Variants in PTPRG observed in about 807,000 individuals in gnomAD.
The protein encoded by PTPRG is protein tyrosine phosphatase receptor type G.
In PTPRG, 102 loss-of-function variants were observed where a neutral mutation model predicts 165.3. The observed-to-expected ratio is 0.62, with a 90% CI of 0.53 to 0.73. The LOEUF (loss-of-function observed/expected upper bound fraction) is 0.73. Among genes scored for constraint, PTPRG ranks in the 30% least tolerant of loss-of-function variants. PTPRG has a pLI of 0.00. For missense variants in PTPRG, 1,866 were observed against 1,861.4 expected (o/e 1.00, Z -0.05); for synonymous variants, 675 against 669.5 (o/e 1.01, Z -0.13).
chr3:61,742,573 A>G (rs1209265872), intron 1 of PTPRG: 3 of 1,592,832 alleles, frequency 1.9e-6, no homozygotes, highest in Admixed American at 1.7e-5. Context: ...GTTATACACA[A>G]GCTCATCGGC....
At chr3:61,746,982 A>C (rs1288644568) in intron 1 of PTPRG, among the ~76,000 whole-genome samples, 1 of 152,130 alleles carries the variant, frequency 6.6e-6, no homozygotes, top group Non-Finnish European at 1.5e-5. Flanking sequence ...AAATCAGCTG[A>C]GCATAGTGGC....
chr3:61,694,320 A>G (rs2030426166), intron 1 of PTPRG, among the ~76,000 whole-genome samples: 1 of 152,204 alleles, frequency 6.6e-6, no homozygotes, highest in African/African-American at 2.4e-5. Context: ...AGATTTTTAA[A>G]AAGTCCCTTA....
At chr3:61,771,400 C>A (rs1253868287) in intron 2 of PTPRG, 1 of 150,042 alleles carries the variant, frequency 6.7e-6, no homozygotes, top group Non-Finnish European at 1.5e-5. Flanking sequence ...AAAAAACTTT[C>A]TATGTAAGTC....
intron 6 of PTPRG, among the ~76,000 whole-genome samples, chr3:62,137,667 G>A (rs535033033): frequency 6.6e-6 from 1 of 151,884 alleles, no homozygotes; most frequent in Non-Finnish European, 1.5e-5. Flanking sequence ...ATCTTTTTTT[G>A]GTGCAAGTTT....
At chr3:62,037,193 T>C (rs1699973797) in intron 4 of PTPRG, among the ~76,000 whole-genome samples, 2 of 152,090 alleles carry the variant, frequency 1.3e-5, no homozygotes, top group South Asian at 4.1e-4. Flanking sequence ...GCTAGTTCAG[T>C]GATAGGGTTA....
chr3:61,748,462 A>G (rs1179578945), intron 1 of PTPRG, among the ~76,000 whole-genome samples: 1 of 152,238 alleles, frequency 6.6e-6, no homozygotes, highest in Non-Finnish European at 1.5e-5. Flanking sequence ...TTATACATGC[A>G]GTTGGAACCG....
At chr3:62,002,539 A>T (rs1355252179) in intron 3 of PTPRG, among the ~76,000 whole-genome samples, 1 of 152,182 alleles carries the variant, frequency 6.6e-6, no homozygotes. Flanking sequence ...ATTTTTTGTC[A>T]GTGTAAATCC....
At chr3:62,257,828 G>A (rs372358721) in intron 16 of PTPRG, among the ~76,000 whole-genome samples, 4 of 152,186 alleles carry the variant, frequency 2.6e-5, no homozygotes, top group South Asian at 2.1e-4. Context: ...GTGTGGTGAC[G>A]CACAACTGTG....
rs896391685 is a variant in PTPRG, at chr3:61,923,692, A to T, written c.191-65933A>T. ...CCACCATGTCCAGTTTATTTTTTGTATTTTTTTTTTTTTTTTTTTGTAGAG... is the reference window on the plus strand; with the variant it reads ...CCACCATGTCCAGTTTATTTTTTGTTTTTTTTTTTTTTTTTTTTTGTAGAG... On this transcript the variant is annotated intron_variant, in intron 2 of 29. Coordinates refer to ENST00000474889, the MANE Select transcript of PTPRG (RefSeq NM_002841.4). Among the ~76,000 whole-genome samples, 423 of 100,656 alleles carry T rather than the reference A, an allele frequency of 4.2e-3. 2 individuals are homozygous for T. The highest frequency in any genetic ancestry group is 5.6e-3 in the Non-Finnish European group (290 of 52,116). The allele number at this position is 100,656 out of a possible 152,430, so 66.0% of individuals were successfully genotyped here. A position where few individuals can be genotyped will look rare whatever the true frequency, so the allele number is the denominator to read the frequency against.
chr3:61,934,035 C>T (rs1559697895), intron 2 of PTPRG, among the ~76,000 whole-genome samples: 1 of 152,182 alleles, frequency 6.6e-6, no homozygotes, highest in Non-Finnish European at 1.5e-5. Flanking sequence ...ATTTTATGGG[C>T]TTAAAGATGC....
intron 4 of PTPRG, among the ~76,000 whole-genome samples, chr3:62,049,487 G>C (rs1413780679): frequency 6.6e-6 from 1 of 152,076 alleles, no homozygotes; most frequent in African/African-American, 2.4e-5. Flanking sequence ...AATGATGCTC[G>C]CTGTTTCATG....
At chr3:61,659,543 A>G (rs1462430898) in intron 1 of PTPRG, 1 of 801,070 alleles carries the variant, frequency 1.2e-6, no homozygotes, top group Non-Finnish European at 1.5e-6. Context: ...AAAAAATCTT[A>G]GGAAGATAAA....
intron 1 of PTPRG, among the ~76,000 whole-genome samples, chr3:61,606,606 A>C (rs1253460818): frequency 6.6e-6 from 1 of 152,216 alleles, no homozygotes; most frequent in Non-Finnish European, 1.5e-5. Flanking sequence ...CTTATAAAGA[A>C]GAGAAATTAA....
rs1279916344 is a variant in PTPRG at position 62,273,990 on chromosome 3, AAG to A, written c.3465+148_3465+149del. ...CTTGTACTCCTTAAATGTGATGAAA[AAG>A]AAAATACGGTTTTGACCTATGTATG... On this transcript the variant is annotated intron_variant, in intron 23 of 29. Transcript: ENST00000474889. The surrounding 1 kb of genome is among the most constrained non-coding windows in gnomAD (Gnocchi z 4.1). The A allele has an allele frequency of 1.2e-6, 1 of 806,802 alleles. No homozygotes were observed. The highest frequency in any genetic ancestry group is 1.7e-5 in the African/African-American group (1 of 57,350). 50.0% of individuals were successfully genotyped at this position (806,802 alleles called of 1,614,324 possible).
intron 2 of PTPRG, among the ~76,000 whole-genome samples, chr3:61,815,245 A>G (rs1208751624): frequency 2.0e-5 from 2 of 102,500 alleles, no homozygotes; most frequent in Non-Finnish European, 3.7e-5. Flanking sequence ...AAAAATACAA[A>G]AAAAAAAAAA....
chr3:62,099,070 A>G (rs1702205588), intron 5 of PTPRG, among the ~76,000 whole-genome samples: 1 of 152,194 alleles, frequency 6.6e-6, no homozygotes, highest in Non-Finnish European at 1.5e-5. Context: ...CTACACATAT[A>G]GTTGCATTTC....
chr3:62,192,006 A>G (rs1699838416), intron 9 of PTPRG, among the ~76,000 whole-genome samples: 1 of 152,228 alleles, frequency 6.6e-6, no homozygotes, highest in East Asian at 1.9e-4. Context: ...GAGCTATGCA[A>G]GTATTCAACA....
chr3:61,567,903 C>T (rs895288471), intron 1 of PTPRG, among the ~76,000 whole-genome samples: 5 of 143,702 alleles, frequency 3.5e-5, no homozygotes, highest in Admixed American at 1.5e-4. Context: ...GACTTTGGGG[C>T]TGCAATGAGC....
intron 2 of PTPRG, among the ~76,000 whole-genome samples, chr3:61,887,524 A>G (rs1173256009): frequency 6.6e-6 from 1 of 152,196 alleles, no homozygotes; most frequent in Non-Finnish European, 1.5e-5. Context: ...AAATGCAGAC[A>G]CACACCAGAA....
Sources: gnomAD v4.1 joint callset for allele counts (sites outside exome capture counted in the v4.1 genomes callset) on GRCh38, gnomAD v4.1.1 for gene constraint, Gnocchi (gnomAD v3.1) non-coding constraint, MANE v1.5 for transcripts, NCBI Gene and HGNC (gene_info 2026-07-23, HGNC 2026-07-21) for gene names.